CECR2: variants seen among roughly 807,000 people sequenced by gnomAD.
The protein encoded by CECR2 is CECR2 histone acetyl-lysine reader.
In CECR2, 30 loss-of-function variants were observed where a neutral mutation model predicts 154.5. The ratio of observed to expected loss-of-function variants is 0.19; its 90% CI spans 0.15 to 0.26. The LOEUF is 0.26. Among genes scored for constraint, CECR2 ranks in the 10% least tolerant of loss-of-function variants. The pLI is 1.00. For synonymous variants in CECR2, 725 were observed against 683.7 expected (o/e 1.06, Z -0.94); for missense variants, 1,743 against 1,829.3 (o/e 0.95, Z 0.86).
At chr22:17,516,694 A>G (rs2056062558) in intron 8 of CECR2, among the ~76,000 whole-genome samples, 1 of 152,012 alleles carries the variant, frequency 6.6e-6, no homozygotes, top group Admixed American at 6.6e-5. Context: ...TCCTGGGTTC[A>G]AGCTATTCCC....
intron 7 of CECR2, among the ~76,000 whole-genome samples, chr22:17,506,897 C>T (rs2055857591): frequency 6.6e-6 from 1 of 152,176 alleles, no homozygotes; most frequent in Non-Finnish European, 1.5e-5. Flanking sequence ...ACAAGTGATC[C>T]ACCCACCTTG....
intron 1 of CECR2, among the ~76,000 whole-genome samples, chr22:17,462,298 T>C (rs1217690526): frequency 1.3e-5 from 2 of 151,744 alleles, no homozygotes; most frequent in Admixed American, 1.3e-4. Flanking sequence ...CAGGCAGAGC[T>C]TGCAGTGAGC....
chr22:17,471,526 GTTGT>G (rs145983028), intron 1 of CECR2, among the ~76,000 whole-genome samples: 12,051 of 151,934 alleles, frequency 0.079, 498 homozygotes, highest in Middle Eastern at 0.15. Flanking sequence ...TATTGTTGTT[GTTGT>G]TTGTTTGTTT....
chr22:17,496,965 C>T (rs1207875503), intron 2 of CECR2, among the ~76,000 whole-genome samples: 1 of 152,156 alleles, frequency 6.6e-6, no homozygotes, highest in Non-Finnish European at 1.5e-5. Context: ...GAGGGACTTC[C>T]TGTTACTGTT....
At chr22:17,474,754 T>TA (rs1428829478) in intron 1 of CECR2, among the ~76,000 whole-genome samples, 2 of 152,220 alleles carry the variant, frequency 1.3e-5, no homozygotes, top group African/African-American at 2.4e-5. Context: ...ACATGAACCA[T>TA]ACGGCAAACT....
In CECR2 at chr22:17,556,292, A is replaced by C. The variant is rs1408599311; in HGVS notation, c.*3452A>C. The stretch of plus-strand genomic sequence containing the variant: ...TCTCATGCTCCTCTTCGTTAGGCTT[A>C]GTGAAAACCTTAAGACCTGCAGTTT... On this transcript the variant is annotated 3_prime_UTR_variant, in exon 19 of 19. Coordinates refer to ENST00000262608, the MANE Select transcript of CECR2 (RefSeq NM_001290047.2). 6.6e-6 allele frequency: 1 copy of C among 152,212 alleles called. No individual in the cohort carries two copies. The highest frequency in any genetic ancestry group is 1.9e-4 in the East Asian group (1 of 5,184). 9.4% of individuals were successfully genotyped at this position (152,212 alleles called of 1,614,324 possible). A position where few individuals can be genotyped will look rare whatever the true frequency, so the allele number is the denominator to read the frequency against.
intron 1 of CECR2, among the ~76,000 whole-genome samples, chr22:17,416,808 ATAC>A (rs1466538385): frequency 6.6e-6 from 1 of 152,154 alleles, no homozygotes; most frequent in Non-Finnish European, 1.5e-5. Flanking sequence ...GGCATTGATC[ATAC>A]TATTATAGAT....
chr22:17,401,568 T>C (rs1012440674), intron 1 of CECR2, among the ~76,000 whole-genome samples: 1 of 152,136 alleles, frequency 6.6e-6, no homozygotes, highest in Non-Finnish European at 1.5e-5. Flanking sequence ...ACATGAGATA[T>C]ACGCTCTTTT....
At chr22:17,476,795 G>A (rs1010743496) in intron 1 of CECR2, among the ~76,000 whole-genome samples, 1 of 152,170 alleles carries the variant, frequency 6.6e-6, no homozygotes, top group African/African-American at 2.4e-5. Flanking sequence ...GAGACTTGAT[G>A]GCCTAGAAAA....
At chr22:17,536,940 A>G (rs889163892) in intron 9 of CECR2, among the ~76,000 whole-genome samples, 163 bp from the exon 10 acceptor site, 3 of 152,150 alleles carry the variant, frequency 2.0e-5, no homozygotes, top group African/African-American at 7.2e-5. Context: ...TTCCATCTGT[A>G]GAAACATCCT....
intron 2 of CECR2, among the ~76,000 whole-genome samples, chr22:17,493,440 C>T (rs1038818016): frequency 6.6e-6 from 1 of 152,144 alleles, no homozygotes; most frequent in African/African-American, 2.4e-5. Context: ...CTTCCTGAAG[C>T]CTTTTTATTT....
upstream of CECR2, chr22:17,369,302 G>C (rs1235669749): frequency 6.6e-6 from 1 of 150,996 alleles, no homozygotes; most frequent in African/African-American, 2.4e-5. Context: ...TGGGCCCGGG[G>C]GCGCGCGCCC....
intron 9 of CECR2, 120 bp from the exon 10 acceptor site, chr22:17,536,983 A>C: frequency 2.6e-6 from 3 of 1,155,492 alleles, no homozygotes; most frequent in Non-Finnish European, 1.2e-6. Flanking sequence ...CAGGGAGCAG[A>C]AGTTGCTTCA....
chr22:17,393,528 G>A (rs1048601322), intron 1 of CECR2, among the ~76,000 whole-genome samples: 4 of 152,158 alleles, frequency 2.6e-5, no homozygotes, highest in African/African-American at 9.7e-5. Flanking sequence ...TGTTAGGTAT[G>A]TACTAAGAAG....
At chr22:17,516,917 C>T (rs2056067380) in intron 8 of CECR2, among the ~76,000 whole-genome samples, 1 of 146,202 alleles carries the variant, frequency 6.8e-6, no homozygotes, top group South Asian at 2.2e-4. Context: ...ATTGTTTTTT[C>T]GGGGTTTTTT....
At chr22:17,525,633 T>C (rs2056252039) in intron 9 of CECR2, among the ~76,000 whole-genome samples, 1 of 152,180 alleles carries the variant, frequency 6.6e-6, no homozygotes. Flanking sequence ...TTAGTGCATA[T>C]AATCTACAGG....
intron 16 of CECR2, among the ~76,000 whole-genome samples, chr22:17,543,257 C>G (rs1162104005): frequency 6.6e-6 from 1 of 151,826 alleles, no homozygotes; most frequent in Non-Finnish European, 1.5e-5. Flanking sequence ...CTCAGCCTCC[C>G]GAGTGTCTGG....
intron 9 of CECR2, among the ~76,000 whole-genome samples, chr22:17,526,110 T>C (rs1457243284): frequency 6.6e-6 from 1 of 152,152 alleles, no homozygotes; most frequent in African/African-American, 2.4e-5. Context: ...CAATGCAATG[T>C]CTACCAGAAT....
rs372228596 is a variant in CECR2, at chr22:17,477,350, G to C, written c.127-238G>C. Among the ~76,000 whole-genome samples, 7 of 152,132 alleles carry C rather than the reference G, an allele frequency of 4.6e-5. No individual in the cohort carries two copies. In the East Asian group the frequency reaches 1.3e-3, roughly 29 times the overall value. On this transcript the variant is annotated intron_variant, in intron 1 of 18. Coordinates refer to ENST00000262608, the MANE Select transcript of CECR2 (RefSeq NM_001290047.2). Reference sequence around the variant, plus strand: ...TATGTGTGTTTCTTCTCATGTGCCGGTAAGAGGAATGGGGTTGGGGAGGGA... The same window carrying C: ...TATGTGTGTTTCTTCTCATGTGCCGCTAAGAGGAATGGGGTTGGGGAGGGA...
Sources: gnomAD v4.1 joint callset for allele counts (sites outside exome capture counted in the v4.1 genomes callset) on GRCh38, gnomAD v4.1.1 for gene constraint, MANE v1.5 for transcripts, NCBI Gene and HGNC (gene_info 2026-07-23, HGNC 2026-07-21) for gene names.